The following DIAPH2 variants were observed in gnomAD, a reference collection of about 807,000 sequenced individuals.
DIAPH2 encodes diaphanous related formin 2.
In DIAPH2, 35 loss-of-function variants were observed where a neutral mutation model predicts 92.7. The ratio of observed to expected loss-of-function variants is 0.38; its 90% CI spans 0.29 to 0.50. The LOEUF (loss-of-function observed/expected upper bound fraction) is 0.50. DIAPH2 is among the 20% of genes least tolerant of loss of function. DIAPH2 has a pLI of 0.94. For synonymous variants in DIAPH2, 301 were observed against 280.4 expected, an observed-to-expected ratio of 1.07 and a Z score of -0.73; for missense variants, 701 against 819.5, an observed-to-expected ratio of 0.86 and a Z score of 1.77.
At chrX:96,932,234 C>A (rs999692733) in intron 10 of DIAPH2, among the ~76,000 whole-genome samples, 1 of 110,703 alleles carries the variant, frequency 9.0e-6, no homozygotes, top group African/African-American at 3.3e-5. Context: ...CTGTAGCATC[C>A]TCTACTCGTT....
intron 4 of DIAPH2, among the ~76,000 whole-genome samples, chrX:96,849,527 T>G (rs1437968984): frequency 1.8e-5 from 2 of 111,472 alleles, no homozygotes; most frequent in Non-Finnish European, 3.8e-5. Context: ...GCCCACTATT[T>G]GTGTAGGGCC....
chrX:97,297,409 T>C (rs1402483741), intron 23 of DIAPH2, among the ~76,000 whole-genome samples: 3 of 109,641 alleles, frequency 2.7e-5, no homozygotes, highest in Admixed American at 2.0e-4. Context: ...CATATTGTTT[T>C]CTTTCTTGTA....
chrX:97,235,639 A>G (rs2068042808), intron 22 of DIAPH2, among the ~76,000 whole-genome samples: 1 of 108,985 alleles, frequency 9.2e-6, no homozygotes, highest in South Asian at 3.9e-4. Context: ...AAATTTTATC[A>G]ATTTATCCTG....
At chrX:97,150,369 G>A (rs1295631276) in intron 22 of DIAPH2, among the ~76,000 whole-genome samples, 1 of 111,723 alleles carries the variant, frequency 9.0e-6, no homozygotes, top group African/African-American at 3.2e-5. Context: ...GATCATGGCC[G>A]TTTGGATTTG....
chrX:97,517,773 C>CT (rs1428065856), intron 26 of DIAPH2, among the ~76,000 whole-genome samples: 2 of 111,852 alleles, frequency 1.8e-5, no homozygotes, highest in Admixed American at 9.5e-5. Flanking sequence ...TCTAGCCCTG[C>CT]TTTTTTTAAA....
chrX:97,240,844 C>G (rs2068087887), intron 22 of DIAPH2, among the ~76,000 whole-genome samples: 1 of 111,051 alleles, frequency 9.0e-6, no homozygotes, highest in Non-Finnish European at 1.9e-5. Context: ...ATCATTTAAC[C>G]TAAATGACTA....
intron 25 of DIAPH2, among the ~76,000 whole-genome samples, chrX:97,390,798 TTTAG>T (rs1373324414): frequency 3.6e-5 from 4 of 112,538 alleles, no homozygotes; most frequent in African/African-American, 1.3e-4. Context: ...TTTGCTAATA[TTTAG>T]TTAATTACCT....
intron 22 of DIAPH2, among the ~76,000 whole-genome samples, chrX:97,192,433 G>A (rs182227170): frequency 2.0e-4 from 22 of 109,968 alleles, no homozygotes; most frequent in Non-Finnish European, 3.4e-4. Flanking sequence ...TACCTATTTT[G>A]TAAAGCAAGA....
intron 22 of DIAPH2, among the ~76,000 whole-genome samples, chrX:97,152,268 C>T (rs181975463): frequency 8.9e-6 from 1 of 111,783 alleles, no homozygotes; most frequent in East Asian, 2.8e-4. Context: ...ATGGGCAGTA[C>T]CATTGCTGTT....
intron 26 of DIAPH2, among the ~76,000 whole-genome samples, chrX:97,438,338 G>GTTT (rs745882169): frequency 5.6e-5 from 3 of 53,760 alleles, no homozygotes; most frequent in Admixed American, 2.6e-4. Context: ...GCAGCTTCTT[G>GTTT]TTTTTTTTTT....
At chrX:97,313,917 G>A (rs999153764) in intron 23 of DIAPH2, among the ~76,000 whole-genome samples, 6 of 110,456 alleles carry the variant, frequency 5.4e-5, no homozygotes, top group Non-Finnish European at 1.9e-5. Flanking sequence ...TAGGATTACA[G>A]GCATGAGCCA....
chrX:97,206,935 A>G (rs780960053), intron 22 of DIAPH2, among the ~76,000 whole-genome samples: 9 of 111,045 alleles, frequency 8.1e-5, no homozygotes, highest in African/African-American at 2.6e-4. Context: ...CTATAATTCT[A>G]TTACCAATTA....
intron 5 of DIAPH2, among the ~76,000 whole-genome samples, chrX:96,907,346 G>A (rs1159753719): frequency 2.7e-5 from 3 of 112,177 alleles, no homozygotes; most frequent in Admixed American, 9.5e-5. Flanking sequence ...GTTAAATAAT[G>A]AAACGTATGT....
At chrX:96,912,096 A>G (rs1467945359) in intron 5 of DIAPH2, among the ~76,000 whole-genome samples, 1 of 111,350 alleles carries the variant, frequency 9.0e-6, no homozygotes, top group Non-Finnish European at 1.9e-5. Context: ...GAAACAACCA[A>G]GGCAGTGCTG....
intron 23 of DIAPH2, among the ~76,000 whole-genome samples, chrX:97,344,308 G>T (rs937118923): frequency 8.9e-6 from 1 of 112,054 alleles, no homozygotes; most frequent in East Asian, 2.8e-4. Flanking sequence ...TACTTGAAAG[G>T]CTAAGACGGG....
intron 21 of DIAPH2, among the ~76,000 whole-genome samples, chrX:97,117,155 C>G (rs552974): frequency 0.034 from 3,737 of 109,725 alleles, 181 homozygotes; most frequent in African/African-American, 0.12. Context: ...GGGAAATTTT[C>G]TAGGAAAACA....
intron 17 of DIAPH2, among the ~76,000 whole-genome samples, chrX:97,037,887 A>T (rs976162448): frequency 1.8e-5 from 2 of 111,730 alleles, no homozygotes; most frequent in African/African-American, 6.5e-5. Flanking sequence ...GCTTTAGGGT[A>T]AAATTGGTTT....
intron 22 of DIAPH2, among the ~76,000 whole-genome samples, chrX:97,163,047 G>A (rs2067385629): frequency 9.0e-6 from 1 of 111,680 alleles, no homozygotes; most frequent in Non-Finnish European, 1.9e-5. Context: ...TTTAGCAGAA[G>A]TTTTCTTTGG....
At chrX:96,720,615 C>T (rs1229250360) in intron 1 of DIAPH2, among the ~76,000 whole-genome samples, 3 of 111,480 alleles carry the variant, frequency 2.7e-5, no homozygotes, top group Admixed American at 1.9e-4. Flanking sequence ...ATTGGTCATG[C>T]TGGCAGGGAA....
Sources: gnomAD v4.1 joint callset for allele counts (sites outside exome capture counted in the v4.1 genomes callset) on GRCh38, gnomAD v4.1.1 for gene constraint, MANE v1.5 for transcripts, NCBI Gene and HGNC (gene_info 2026-07-23, HGNC 2026-07-21) for gene names.